The following SRGAP3 variants were observed in gnomAD, a reference collection of about 807,000 sequenced individuals.
SRGAP3 encodes SLIT-ROBO Rho GTPase-activating protein 3.
Under a neutral mutation model 121.1 loss-of-function variants are expected in SRGAP3, and 39 were observed. That is an observed-to-expected ratio of 0.32 (90% CI 0.25 to 0.42). The LOEUF (loss-of-function observed/expected upper bound fraction) is 0.42, where lower values mean the gene tolerates loss of function less well. SRGAP3 is among the 10% of genes least tolerant of loss of function. The probability of loss-of-function intolerance (pLI) is 1.00; values close to 1 mark genes in which losing one functional copy is unlikely to be tolerated. For synonymous variants in SRGAP3, 601 were observed against 570.0 expected (o/e 1.05, Z -0.77); for missense variants, 1,213 against 1,470.6 (o/e 0.82, Z 2.86).
chr3:9,355,666 G>A (rs74987738), intron 1 of SRGAP3: 2,542 of 152,302 alleles, frequency 0.017, 34 homozygotes, highest in East Asian at 0.07. Flanking sequence ...CTCCAGCACC[G>A]TCCACCAACC....
At chr3:9,345,034 T>G (rs1955859058) in intron 1 of SRGAP3, among the ~76,000 whole-genome samples, 1 of 150,294 alleles carries the variant, frequency 6.7e-6, no homozygotes, top group Non-Finnish European at 1.5e-5. Context: ...AGACTCCGTC[T>G]CAAAAAAAAA....
At chr3:9,048,393 G>T (rs1945391586) in intron 9 of SRGAP3, among the ~76,000 whole-genome samples, 1 of 152,258 alleles carries the variant, frequency 6.6e-6, no homozygotes, top group South Asian at 2.1e-4. Flanking sequence ...GACTGGCTTA[G>T]AGTAGGTGCT....
intron 1 of SRGAP3, among the ~76,000 whole-genome samples, chr3:9,344,821 G>A (rs912749910): frequency 6.6e-6 from 1 of 152,114 alleles, no homozygotes; most frequent in Non-Finnish European, 1.5e-5. Context: ...TGGATCACGA[G>A]GTCAGGAAAT....
At position 8,985,837 on chromosome 3, in the gene SRGAP3, G is replaced by C. The variant is rs1489402004; in HGVS notation, c.2982C>G (p.Thr994=). Residue 994 remains threonine, a synonymous_variant, in exon 22 of 22, where the codon ACC becomes ACG. Coordinates refer to ENST00000383836, the MANE Select transcript of SRGAP3 (RefSeq NM_014850.4). This position sits in a 1 kb window ranked among gnomAD's most constrained non-coding sequence, Gnocchi z 5.1. ...CTGGCGGGTTCTTCAGGGGCTCCAG[G>C]GTGTCCAGCACCACATCTGGCGCCT... ...VKQAPDVVLD[T]LEPLKNPPGP... 6.2e-7 allele frequency: 1 copy of C among 1,600,504 alleles called. No homozygotes were observed. The highest frequency in any genetic ancestry group is 1.7e-5 in the Admixed American group (1 of 60,024).
intron 2 of SRGAP3, among the ~76,000 whole-genome samples, chr3:9,120,510 C>T (rs1948963810): frequency 6.6e-6 from 1 of 152,222 alleles, no homozygotes; most frequent in Admixed American, 6.5e-5. Context: ...CTTCAATGCA[C>T]ACATTTCAAA....
intron 2 of SRGAP3, among the ~76,000 whole-genome samples, chr3:9,105,150 A>G (rs1429260184): frequency 2.0e-5 from 3 of 152,262 alleles, no homozygotes; most frequent in Non-Finnish European, 2.9e-5. Flanking sequence ...GGGCTAAGAA[A>G]TACTAAACCA....
chr3:9,211,138 G>C (rs1284143206), intron 1 of SRGAP3, among the ~76,000 whole-genome samples: 1 of 152,096 alleles, frequency 6.6e-6, no homozygotes, highest in African/African-American at 2.4e-5. Flanking sequence ...AAGGTGTTGA[G>C]GGGGGAGAAG....
At chr3:9,035,276 A>T (rs111511033) in intron 11 of SRGAP3, 34 of 156,142 alleles carry the variant, frequency 2.2e-4, no homozygotes, top group Middle Eastern at 3.0e-3. Context: ...GTTTCCTTAA[A>T]AGAAAGTCCT....
chr3:9,005,664 A>G lies in SRGAP3; in HGVS notation c.2227+4644T>C, dbSNP rs553195827. On this transcript the variant is annotated intron_variant, in intron 18 of 21. Transcript: ENST00000383836. ...AAAACTGTGCTAAGAGAAAGGCCACATGTTATATAATTCCATTTATATAAA... is the reference window on the plus strand; with the variant it reads ...AAAACTGTGCTAAGAGAAAGGCCACGTGTTATATAATTCCATTTATATAAA... 1.3e-5 allele frequency among the ~76,000 whole-genome samples: 2 copies of G among 152,354 alleles called. 1 individual carries two copies. The highest frequency in any genetic ancestry group is 4.1e-4 in the South Asian group (2 of 4,828).
At chr3:9,284,199 A>G (rs1574970915) in intron 3 of SRGAP3, among the ~76,000 whole-genome samples, 1 of 152,126 alleles carries the variant, frequency 6.6e-6, no homozygotes, top group Non-Finnish European at 1.5e-5. Flanking sequence ...TTCCTGAAAC[A>G]ACCATCCTAC....
intron 2 of SRGAP3, among the ~76,000 whole-genome samples, chr3:9,118,629 G>C (rs1948890183): frequency 6.6e-6 from 1 of 152,152 alleles, no homozygotes; most frequent in South Asian, 2.1e-4. Flanking sequence ...ACATCAGACT[G>C]GCTCTTCAAA....
chr3:9,305,251 T>C (rs1955136142), intron 3 of SRGAP3, among the ~76,000 whole-genome samples: 1 of 151,974 alleles, frequency 6.6e-6, no homozygotes, highest in Non-Finnish European at 1.5e-5. Flanking sequence ...AGTGTCCTCC[T>C]GGTGCTCAGT....
chr3:9,277,530 C>T (rs188380971), intron 3 of SRGAP3, among the ~76,000 whole-genome samples: 144 of 150,906 alleles, frequency 9.5e-4, no homozygotes, highest in African/African-American at 3.3e-3. Context: ...ATTGCTTGAA[C>T]CCGGGAGGCG....
At chr3:9,277,677 G>A (rs1364621012) in intron 3 of SRGAP3, among the ~76,000 whole-genome samples, 1 of 151,372 alleles carries the variant, frequency 6.6e-6, no homozygotes, top group Non-Finnish European at 1.5e-5. Context: ...CTACTTGAAA[G>A]GCCAAGGCAG....
rs1559253137 is a variant in SRGAP3, at chr3:9,270,644, C to T, written n.442+55366G>A. 2.0e-5 allele frequency among the ~76,000 whole-genome samples: 3 copies of T among 152,240 alleles called. No homozygotes were observed. The South Asian group carries it at 6.2e-4, about 32-fold the overall frequency. The stretch of plus-strand genomic sequence containing the variant: ...ATACACATAATACAAATATTATATA[C>T]ACACATATACACAATACCTATAATC... On this transcript the variant is annotated intron_variant and non_coding_transcript_variant, in intron 3 of 3. Coordinates refer to the SRGAP3 transcript ENST00000490889.
chr3:8,995,315 A>AT (rs1553634821), intron 18 of SRGAP3, among the ~76,000 whole-genome samples: 7 of 151,718 alleles, frequency 4.6e-5, no homozygotes, highest in Non-Finnish European at 8.8e-5. Flanking sequence ...CCAAAAAAAA[A>AT]TTTTTTTTTA....
chr3:9,263,810 A>C (rs957130366), intron 3 of SRGAP3, among the ~76,000 whole-genome samples: 10 of 152,216 alleles, frequency 6.6e-5, no homozygotes, highest in African/African-American at 2.4e-4. Flanking sequence ...AGCTGGTACC[A>C]TTTCTTCTGA....
At chr3:9,026,217 G>T (rs1019584419) in intron 13 of SRGAP3, among the ~76,000 whole-genome samples, 1 of 152,156 alleles carries the variant, frequency 6.6e-6, no homozygotes, top group Non-Finnish European at 1.5e-5. Context: ...CTTAGCCAAA[G>T]CACCTCCTCT....
chr3:9,343,151 C>T (rs1460691888), intron 1 of SRGAP3, among the ~76,000 whole-genome samples: 2 of 152,186 alleles, frequency 1.3e-5, no homozygotes, highest in African/African-American at 4.8e-5. Flanking sequence ...CCTTTTTGCT[C>T]AACTGTATGT....
Sources: allele counts gnomAD v4.1 joint callset (sites outside exome capture counted in the v4.1 genomes callset), GRCh38; gene constraint gnomAD v4.1.1; non-coding constraint Gnocchi (gnomAD v3.1); transcripts MANE v1.5; gene names NCBI Gene and HGNC (gene_info 2026-07-23, HGNC 2026-07-21).